Variants in RBFOX1 observed in about 807,000 individuals in gnomAD.
RBFOX1 encodes the protein RNA binding protein fox-1 homolog 1.
A neutral mutation model predicts 57.7 loss-of-function variants in RBFOX1; 8 were observed. That is an observed-to-expected ratio of 0.14 (90% CI 0.08 to 0.25). The LOEUF (loss-of-function observed/expected upper bound fraction) is 0.25. RBFOX1 is among the 10% of genes least tolerant of loss of function. The pLI is 1.00. For synonymous variants in RBFOX1, 326 were observed against 222.4 expected (o/e 1.47, Z -4.15); for missense variants, 611 against 548.5 (o/e 1.11, Z -1.14).
chr16:5,336,265 C>G (rs568944933), intron 1 of RBFOX1, among the ~76,000 whole-genome samples: 9 of 152,252 alleles, frequency 5.9e-5, no homozygotes, highest in African/African-American at 2.2e-4. Context: ...ATTAGGGAGG[C>G]TGGTTCATTT....
chr16:6,872,964 G>T (rs1314159988), intron 3 of RBFOX1, among the ~76,000 whole-genome samples: 1 of 152,058 alleles, frequency 6.6e-6, no homozygotes, highest in East Asian at 1.9e-4. Flanking sequence ...GCCGCAGCTG[G>T]TCTTGAGTAT....
At chr16:6,112,252 C>T (rs947450894) in intron 1 of RBFOX1, among the ~76,000 whole-genome samples, 2 of 152,130 alleles carry the variant, frequency 1.3e-5, no homozygotes, top group Non-Finnish European at 2.9e-5. Flanking sequence ...GAATTGAGAA[C>T]AGTGTCTGGA....
chr16:5,481,503 T>G (rs2069540384), intron 2 of RBFOX1, among the ~76,000 whole-genome samples: 1 of 152,256 alleles, frequency 6.6e-6, no homozygotes, highest in East Asian at 1.9e-4. Flanking sequence ...TTGTTACTAC[T>G]TGTCTGTATT....
chr16:6,943,551 A>G (rs1853815549), intron 3 of RBFOX1, among the ~76,000 whole-genome samples: 1 of 152,060 alleles, frequency 6.6e-6, no homozygotes, highest in African/African-American at 2.4e-5. Flanking sequence ...TACTAAAAAT[A>G]CAAAAAATTA....
chr16:6,598,221 A>T (rs944174301), intron 2 of RBFOX1, among the ~76,000 whole-genome samples: 3 of 152,232 alleles, frequency 2.0e-5, no homozygotes, highest in Non-Finnish European at 4.4e-5. Context: ...ATCAGACACT[A>T]TATAGTTTCT....
At chr16:7,015,754 A>G (rs8060070) in intron 3 of RBFOX1, among the ~76,000 whole-genome samples, 2,365 of 150,906 alleles carry the variant, frequency 0.016, 67 homozygotes, top group African/African-American at 0.054. Context: ...TTTTAATAAC[A>G]TTTTCTTTTT....
chr16:6,821,991 C>G (rs1238919184), intron 3 of RBFOX1, among the ~76,000 whole-genome samples: 1 of 152,136 alleles, frequency 6.6e-6, no homozygotes, highest in Admixed American at 6.5e-5. Context: ...TGATACTTCG[C>G]TGACATACCT....
At chr16:6,961,737 T>A (rs1181469399) in intron 3 of RBFOX1, among the ~76,000 whole-genome samples, 3 of 152,174 alleles carry the variant, frequency 2.0e-5, no homozygotes, top group African/African-American at 7.2e-5. Flanking sequence ...GGGTAGCTTG[T>A]GATTGTTTCA....
At chr16:6,198,585 A>G (rs928586833) in intron 1 of RBFOX1, among the ~76,000 whole-genome samples, 3 of 152,178 alleles carry the variant, frequency 2.0e-5, no homozygotes, top group African/African-American at 7.2e-5. Context: ...AAGAGATTGG[A>G]TTAGATAATT....
intron 3 of RBFOX1, among the ~76,000 whole-genome samples, chr16:6,662,262 A>C (rs139518940): frequency 6.6e-6 from 1 of 152,306 alleles, no homozygotes; most frequent in Non-Finnish European, 1.5e-5. Context: ...AAATGCGGTA[A>C]GAGAGTAGAT....
At chr16:5,824,458 A>G (rs748413319) in intron 3 of RBFOX1, among the ~76,000 whole-genome samples, 57 of 152,162 alleles carry the variant, frequency 3.7e-4, no homozygotes, top group Non-Finnish European at 7.4e-4. Context: ...CAGAAAAGCC[A>G]GGGCACATTC....
chr16:5,356,689 A>C (rs2065398617), intron 1 of RBFOX1, among the ~76,000 whole-genome samples: 1 of 152,198 alleles, frequency 6.6e-6, no homozygotes, highest in East Asian at 1.9e-4. Context: ...TATGATGGGA[A>C]ATGGCAAACA....
rs548752271 is a variant in RBFOX1, at chr16:7,344,462, T to A, written c.28-173685T>A. 3.3e-5 allele frequency among the ~76,000 whole-genome samples: 5 copies of A among 150,416 alleles called. 1 individual carries two copies. Among genetic ancestry groups the A allele is most frequent in the African/African-American group, 1.2e-4 (5 of 41,184 alleles). ...TATGTAACACATAGTTATAAATATA[T>A]AAATATATAACTACATAATGCCATA... On this transcript the variant is annotated intron_variant, in intron 4 of 15. Coordinates refer to ENST00000550418, the MANE Select transcript of RBFOX1 (RefSeq NM_018723.4).
intron 1 of RBFOX1, among the ~76,000 whole-genome samples, chr16:5,393,696 G>C (rs895984903): frequency 6.8e-6 from 1 of 146,702 alleles, no homozygotes; most frequent in Non-Finnish European, 1.5e-5. Flanking sequence ...TTTTAAAAAA[G>C]GTGGTAAAAT....
intron 2 of RBFOX1, among the ~76,000 whole-genome samples, chr16:6,634,535 A>C (rs12927891): frequency 0.064 from 9,433 of 148,246 alleles, 391 homozygotes; most frequent in Non-Finnish European, 0.092. Context: ...ATATACTTTT[A>C]TATTTTTTAA....
At chr16:5,915,580 C>G (rs1467850050) in intron 4 of RBFOX1, among the ~76,000 whole-genome samples, 1 of 152,046 alleles carries the variant, frequency 6.6e-6, no homozygotes, top group Non-Finnish European at 1.5e-5. Flanking sequence ...GCCTCTAATC[C>G]CAGCACTTTG....
chr16:6,639,988 A>G (rs2098474174), intron 2 of RBFOX1, among the ~76,000 whole-genome samples: 1 of 152,206 alleles, frequency 6.6e-6, no homozygotes, highest in Non-Finnish European at 1.5e-5. Flanking sequence ...CAGTACTAAC[A>G]CTAACACCCA....
intron 3 of RBFOX1, among the ~76,000 whole-genome samples, chr16:6,863,202 T>C (rs1407014618): frequency 1.3e-5 from 2 of 151,996 alleles, no homozygotes; most frequent in Non-Finnish European, 2.9e-5. Context: ...CTTTTTGGAA[T>C]AGAGAAGGAC....
At chr16:6,682,998 C>T (rs1264477802) in intron 3 of RBFOX1, among the ~76,000 whole-genome samples, 2 of 151,954 alleles carry the variant, frequency 1.3e-5, no homozygotes, top group African/African-American at 4.8e-5. Context: ...CTTTACACAG[C>T]TGGGCAAGGA....
Sources: gnomAD v4.1 joint callset for allele counts (sites outside exome capture counted in the v4.1 genomes callset) on GRCh38, gnomAD v4.1.1 for gene constraint, MANE v1.5 for transcripts, NCBI Gene and HGNC (gene_info 2026-07-23, HGNC 2026-07-21) for gene names.